Variants in EXD3 observed in about 807,000 individuals in gnomAD.
EXD3 encodes exonuclease mut-7 homolog.
Under a neutral mutation model 98.0 loss-of-function variants are expected in EXD3, and 92 were observed. That is an observed-to-expected ratio of 0.94 (90% CI 0.79 to 1.12). EXD3 has a LOEUF of 1.12. EXD3 is among the 50% of genes most tolerant of loss of function. EXD3 has a pLI of 0.00. For missense variants in EXD3, 1,222 were observed against 1,191.6 expected, an observed-to-expected ratio of 1.03 and a Z score of -0.38; for synonymous variants, 569 against 526.0, an observed-to-expected ratio of 1.08 and a Z score of -1.12.
chr9:137,419,897 T>C (rs9777315), intron 1 of EXD3, among the ~76,000 whole-genome samples: 2,304 of 152,098 alleles, frequency 0.015, 22 homozygotes, highest in East Asian at 0.019. Flanking sequence ...CGGTGGCTCA[T>C]GCCTGTAATC....
At chr9:137,382,641 T>A (rs2131721255) in intron 3 of EXD3, among the ~76,000 whole-genome samples, 1 of 151,962 alleles carries the variant, frequency 6.6e-6, no homozygotes, top group Non-Finnish European at 1.5e-5. Context: ...GCGCCAGGGC[T>A]GGGGTCAGAG....
chr9:137,360,308 T>C (rs989147193), intron 7 of EXD3, among the ~76,000 whole-genome samples: 1 of 86,278 alleles, frequency 1.2e-5, no homozygotes, highest in Non-Finnish European at 2.8e-5. Flanking sequence ...ATACAGTCTT[T>C]TGTAAAATAT....
chr9:137,422,127 A>C (rs1488337480), intron 1 of EXD3, among the ~76,000 whole-genome samples: 1 of 151,608 alleles, frequency 6.6e-6, no homozygotes, highest in Non-Finnish European at 1.5e-5. Flanking sequence ...AAAAAAAAAA[A>C]AAAAAAACTC....
chr9:137,314,429 G>C (rs1259624147), intron 19 of EXD3, among the ~76,000 whole-genome samples: 2 of 152,204 alleles, frequency 1.3e-5, no homozygotes, highest in African/African-American at 4.8e-5. Context: ...CTGGGGAGGT[G>C]TGTGCAGCTG....
intron 7 of EXD3, among the ~76,000 whole-genome samples, chr9:137,362,529 T>C (rs1459955209): frequency 2.0e-5 from 3 of 149,732 alleles, no homozygotes; most frequent in Non-Finnish European, 3.0e-5. Context: ...TTTGATAGAG[T>C]CTCACTCTGT....
chr9:137,323,476 C>T (rs1275524007), intron 19 of EXD3, among the ~76,000 whole-genome samples: 5 of 23,724 alleles, frequency 2.1e-4, no homozygotes, highest in Non-Finnish European at 3.7e-4. Flanking sequence ...TGCCGACACC[C>T]CACCCCGGAC....
chr9:137,319,948 C>A (rs1831939212), intron 19 of EXD3, among the ~76,000 whole-genome samples: 1 of 152,248 alleles, frequency 6.6e-6, no homozygotes, highest in Non-Finnish European at 1.5e-5. Flanking sequence ...TCCCTCCCAC[C>A]TGGGCTCCGA....
chr9:137,316,297 C>T (rs116859189), intron 19 of EXD3, among the ~76,000 whole-genome samples: 2,780 of 152,020 alleles, frequency 0.018, 92 homozygotes, highest in East Asian at 0.15. Flanking sequence ...AGCTAACGGC[C>T]GCCCGCCCGC....
At chr9:137,383,828 C>T (rs941022898) in intron 2 of EXD3, among the ~76,000 whole-genome samples, 17 of 152,146 alleles carry the variant, frequency 1.1e-4, no homozygotes, top group East Asian at 5.8e-4. Context: ...GGCCCTCCCG[C>T]GCCGCCCCCT....
intron 8 of EXD3, 41 bp from the exon 9 acceptor site, chr9:137,354,814 G>A: frequency 6.3e-7 from 1 of 1,576,632 alleles, no homozygotes; most frequent in Non-Finnish European, 8.6e-7. Flanking sequence ...GCTCAGGGCA[G>A]CCTCACCACG....
intron 19 of EXD3, among the ~76,000 whole-genome samples, chr9:137,317,658 TG>T (rs933099625): frequency 2.0e-5 from 3 of 151,970 alleles, no homozygotes; most frequent in Non-Finnish European, 4.4e-5. Flanking sequence ...AGAGGTGGTG[TG>T]GGTGGCCTCC....
rs1199039888 is a variant in EXD3, at chr9:137,387,438, G to A, written c.56-4061C>T. Among the ~76,000 whole-genome samples, 4 of 152,348 alleles carry A rather than the reference G, an allele frequency of 2.6e-5. No homozygotes were observed. In the East Asian group the frequency reaches 7.7e-4, roughly 29 times the overall value. On this transcript the variant is annotated intron_variant, in intron 2 of 21. Coordinates refer to ENST00000340951, the MANE Select transcript of EXD3 (RefSeq NM_017820.5). ...GTGTGGCGGGACAAGTGTCTGCCGT[G>A]CCGGGCTCAGACACGGCCATGCTGA...
Position 137,314,285 on chromosome 9 carries a change from T to C in EXD3, c.2185-4585A>G, listed in dbSNP as rs375219769. On this transcript the variant is annotated intron_variant, in intron 19 of 21. Transcript: ENST00000340951. Reference sequence around the variant, plus strand: ...CCGCCCCAAAGGTGACCCGACACTGTCCCCTGCTGTGGCACTGTGAGCCTC... The same window carrying C: ...CCGCCCCAAAGGTGACCCGACACTGCCCCCTGCTGTGGCACTGTGAGCCTC... Among the ~76,000 whole-genome samples, 5 of 152,148 alleles carry C rather than the reference T, an allele frequency of 3.3e-5. No individual in the cohort carries two copies. The East Asian group carries it at 7.7e-4, about 23-fold the overall frequency.
intron 1 of EXD3, among the ~76,000 whole-genome samples, chr9:137,410,959 C>T (rs11507667): frequency 0.16 from 23,716 of 151,670 alleles, 2,261 homozygotes; most frequent in Admixed American, 0.31. Flanking sequence ...GAGGTCCAGG[C>T]GTCTCAGGGG....
At chr9:137,420,770 A>G (rs1838478749) in intron 1 of EXD3, among the ~76,000 whole-genome samples, 1 of 134,954 alleles carries the variant, frequency 7.4e-6, no homozygotes, top group African/African-American at 2.7e-5. Context: ...GGTATTATAC[A>G]TACACTGTGA....
At chr9:137,341,413 T>C (rs1020721671) in intron 17 of EXD3, among the ~76,000 whole-genome samples, 2 of 152,212 alleles carry the variant, frequency 1.3e-5, no homozygotes, top group African/African-American at 4.8e-5. Context: ...AGTCACACTC[T>C]GGCTAAGACT....
At chr9:137,314,805 G>C (rs917818686) in intron 19 of EXD3, among the ~76,000 whole-genome samples, 1 of 152,180 alleles carries the variant, frequency 6.6e-6, no homozygotes, top group Non-Finnish European at 1.5e-5. Context: ...TCACCCCAGA[G>C]CCCCCAAAAG....
chr9:137,391,502 G>A (rs1177623613), intron 2 of EXD3, among the ~76,000 whole-genome samples: 1 of 152,234 alleles, frequency 6.6e-6, no homozygotes, highest in Non-Finnish European at 1.5e-5. Flanking sequence ...GATGTGGAGG[G>A]AAAGGGAACC....
At chr9:137,325,388 C>T (rs991911325) in intron 17 of EXD3, among the ~76,000 whole-genome samples, 1 of 152,238 alleles carries the variant, frequency 6.6e-6, no homozygotes, top group South Asian at 2.1e-4. Flanking sequence ...GAGGAGGACA[C>T]GGGACACCTT....
Sources: gnomAD v4.1 joint callset for allele counts (sites outside exome capture counted in the v4.1 genomes callset) on GRCh38, gnomAD v4.1.1 for gene constraint, MANE v1.5 for transcripts, NCBI Gene and HGNC (gene_info 2026-07-23, HGNC 2026-07-21) for gene names.